The following GSK3B variants were observed in gnomAD, a reference collection of about 807,000 sequenced individuals.
GSK3B encodes glycogen synthase kinase-3 beta.
A neutral mutation model predicts 56.4 loss-of-function variants in GSK3B; 15 were observed. The ratio of observed to expected loss-of-function variants is 0.27; its 90% CI spans 0.18 to 0.41. The LOEUF is 0.41. GSK3B is among the 10% of genes least tolerant of loss of function. The pLI is 1.00. For missense variants in GSK3B, 300 were observed against 513.4 expected (o/e 0.58, Z 4.02); for synonymous variants, 181 against 188.9 (o/e 0.96, Z 0.34).
rs199859509 is a variant in GSK3B at position 119,826,699 on chromosome 3, T to C, written c.*89A>G. ...AAATGAACAGGATTTTTTTCTCTTT[T>C]TAATATTCTTTCCAAACGTGACCAG... On this transcript the variant is annotated 3_prime_UTR_variant, in exon 11 of 11. Coordinates refer to ENST00000264235, the MANE Select transcript of GSK3B (RefSeq NM_001146156.2). The C allele has an allele frequency of 2.4e-6, 2 of 846,912 alleles. No homozygotes were observed. Among genetic ancestry groups the C allele is most frequent in the Non-Finnish European group, 4.1e-6 (2 of 483,590 alleles). 52.5% of individuals were successfully genotyped at this position (846,912 alleles called of 1,614,324 possible).
chr3:119,932,401 G>A (rs1291525659), intron 3 of GSK3B, among the ~76,000 whole-genome samples: 1 of 152,008 alleles, frequency 6.6e-6, no homozygotes, highest in Non-Finnish European at 1.5e-5. Flanking sequence ...AGAGGCTGTG[G>A]GAAGGAAATG....
chr3:119,854,703 G>A (rs560404560), intron 9 of GSK3B, among the ~76,000 whole-genome samples: 68 of 152,284 alleles, frequency 4.5e-4, no homozygotes, highest in African/African-American at 1.3e-3. Flanking sequence ...TAGTTTATTT[G>A]CGTAGAAGTG....
intron 3 of GSK3B, among the ~76,000 whole-genome samples, chr3:119,932,385 T>G (rs553511792): frequency 2.0e-4 from 31 of 152,162 alleles, no homozygotes; most frequent in Non-Finnish European, 4.4e-4. Context: ...AATACCTTTT[T>G]GCTTGAGAGG....
At chr3:119,898,324 C>T (rs948873049) in intron 7 of GSK3B, among the ~76,000 whole-genome samples, 1 of 152,094 alleles carries the variant, frequency 6.6e-6, no homozygotes, top group African/African-American at 2.4e-5. Flanking sequence ...CATCCTAAGT[C>T]GGGGACTGTC....
At chr3:119,958,289 G>A (rs80012442) in intron 2 of GSK3B, among the ~76,000 whole-genome samples, 2,427 of 150,372 alleles carry the variant, frequency 0.016, 62 homozygotes, top group African/African-American at 0.056. Context: ...AAATTACCCC[G>A]TCTCAAGGAG....
chr3:119,827,773 T>C (rs1577297926), intron 10 of GSK3B, among the ~76,000 whole-genome samples: 1 of 151,794 alleles, frequency 6.6e-6, no homozygotes, highest in Non-Finnish European at 1.5e-5. Flanking sequence ...GAGCTAAAAT[T>C]TAAAACAACT....
chr3:119,878,146 A>C (rs2056335219), intron 7 of GSK3B, among the ~76,000 whole-genome samples: 1 of 152,134 alleles, frequency 6.6e-6, no homozygotes, highest in Admixed American at 6.5e-5. Context: ...AAATTTTAAA[A>C]AGTTTGTTCT....
intron 7 of GSK3B, among the ~76,000 whole-genome samples, chr3:119,896,214 T>C (rs2056561813): frequency 6.6e-6 from 1 of 151,896 alleles, no homozygotes; most frequent in South Asian, 2.1e-4. Flanking sequence ...TAAATAAAAA[T>C]TTATACTTGG....
intron 10 of GSK3B, among the ~76,000 whole-genome samples, chr3:119,831,442 A>G (rs2055596723): frequency 6.6e-6 from 1 of 152,032 alleles, no homozygotes; most frequent in Admixed American, 6.6e-5. Context: ...CGGATCACAA[A>G]GTCAGGAGAT....
intron 1 of GSK3B, among the ~76,000 whole-genome samples, chr3:120,077,289 A>T (rs1208513609): frequency 6.6e-6 from 1 of 152,234 alleles, no homozygotes; most frequent in Non-Finnish European, 1.5e-5. Flanking sequence ...TCAATGGACG[A>T]ATGGTTAAAC....
chr3:119,929,346 A>G (rs746855136), intron 3 of GSK3B, among the ~76,000 whole-genome samples: 2 of 152,344 alleles, frequency 1.3e-5, no homozygotes. Flanking sequence ...CTCAATCACA[A>G]AGTTTCTTGA....
chr3:120,093,300 T>A, intron 1 of GSK3B, 47 bp downstream of exon 1: 1 of 1,253,194 alleles, frequency 8.0e-7, no homozygotes. Context: ...GGTTTCTTAT[T>A]TTAAGGGCGA....
At chr3:120,076,925 ATC>A (rs890383857) in intron 1 of GSK3B, among the ~76,000 whole-genome samples, 37 of 152,126 alleles carry the variant, frequency 2.4e-4, no homozygotes, top group African/African-American at 8.9e-4. Flanking sequence ...AACATCACTT[ATC>A]ATCAGAGAAA....
At chr3:119,974,039 C>T (rs1443788141) in intron 2 of GSK3B, among the ~76,000 whole-genome samples, 1 of 152,086 alleles carries the variant, frequency 6.6e-6, no homozygotes, top group East Asian at 1.9e-4. Flanking sequence ...ATCTAGGTGT[C>T]CTTGGGTTTG....
At chr3:119,901,889 T>TA (rs1234142655) in intron 7 of GSK3B, among the ~76,000 whole-genome samples, 1 of 152,044 alleles carries the variant, frequency 6.6e-6, no homozygotes, top group Non-Finnish European at 1.5e-5. Flanking sequence ...ATCCACTTTC[T>TA]TTTTTTTGCT....
intron 1 of GSK3B, among the ~76,000 whole-genome samples, chr3:120,014,379 T>A (rs995871215): frequency 1.3e-5 from 2 of 152,072 alleles, no homozygotes; most frequent in South Asian, 4.2e-4. Context: ...GCAAAGGGAA[T>A]AAAAAGTAGA....
At chr3:119,951,140 T>C (rs2057152559) in intron 2 of GSK3B, among the ~76,000 whole-genome samples, 3 of 152,144 alleles carry the variant, frequency 2.0e-5, no homozygotes, top group African/African-American at 2.4e-5. Flanking sequence ...TCCCCACACA[T>C]AACTGTCTGA....
chr3:119,908,210 C>G (rs1166398823), intron 6 of GSK3B, among the ~76,000 whole-genome samples: 1 of 152,154 alleles, frequency 6.6e-6, no homozygotes, highest in Non-Finnish European at 1.5e-5. Flanking sequence ...GTTTATATAA[C>G]TGTTCCTTAA....
Position 119,938,590 on chromosome 3 carries a change from G to A in GSK3B, c.366+8678C>T, listed in dbSNP as rs376300725. ...ATCTGATAAACTCCAATTCCATTTC[G>A]TGATAAAACGGAAAATGTTTTAAAA... On this transcript the variant is annotated intron_variant, in intron 3 of 10. Transcript: ENST00000264235. 2.0e-4 allele frequency among the ~76,000 whole-genome samples: 30 copies of A among 152,086 alleles called. No individual in the cohort carries two copies. In the South Asian group the frequency reaches 5.0e-3, roughly 25 times the overall value.
Sources: gnomAD v4.1 joint callset for allele counts (sites outside exome capture counted in the v4.1 genomes callset) on GRCh38, gnomAD v4.1.1 for gene constraint, MANE v1.5 for transcripts, NCBI Gene and HGNC (gene_info 2026-07-23, HGNC 2026-07-21) for gene names.